Variants in JMJD1C observed in about 807,000 individuals in gnomAD.
JMJD1C encodes the protein jumonji domain-containing protein 1C.
Under a neutral mutation model 245.3 loss-of-function variants are expected in JMJD1C, and 31 were observed. The ratio of observed to expected loss-of-function variants is 0.13; its 90% CI spans 0.09 to 0.17. The LOEUF (loss-of-function observed/expected upper bound fraction) is 0.17. Among genes scored for constraint, JMJD1C ranks in the 10% least tolerant of loss-of-function variants. JMJD1C has a pLI of 1.00. For missense variants in JMJD1C, 2,691 were observed against 3,000.2 expected (o/e 0.90, Z 2.41); for synonymous variants, 1,057 against 1,017.4 (o/e 1.04, Z -0.74).
chr10:63,421,672 A>G (rs956501313), intron 1 of JMJD1C, among the ~76,000 whole-genome samples: 3 of 152,194 alleles, frequency 2.0e-5, no homozygotes, highest in African/African-American at 7.2e-5. Context: ...CTTTAAGGAG[A>G]TAATTAAGAA....
At chr10:63,394,886 A>T (rs1948364934) in intron 1 of JMJD1C, among the ~76,000 whole-genome samples, 1 of 152,082 alleles carries the variant, frequency 6.6e-6, no homozygotes, top group Admixed American at 6.5e-5. Context: ...CAAAATTGGA[A>T]ACGTTTTACT....
Position 63,209,197 on chromosome 10 carries a change from C to A in JMJD1C, c.2733G>T (p.Val911=). The part of the protein sequence containing the change: ...PSPWLHQPTP[V]TSADGIGLLS... The stretch of plus-strand genomic sequence containing the variant: ...GTAATCCAATACCATCTGCTGAGGT[C>A]ACAGGGGTGGGCTGATGTAGCCAAG... Residue 911 remains valine (V), a synonymous_variant, in exon 9 of 26, where the codon GTG becomes GTT. Transcript: ENST00000399262. 6.2e-7 allele frequency: 1 copy of A among 1,613,518 alleles called. No individual in the cohort carries two copies. The highest frequency in any genetic ancestry group is 1.1e-5 in the South Asian group (1 of 91,034).
At chr10:63,468,650 A>C (rs947644200), upstream of JMJD1C, among the ~76,000 whole-genome samples, 1 of 152,354 alleles carries the variant, frequency 6.6e-6, no homozygotes, top group South Asian at 2.1e-4. Context: ...AATTAGACAT[A>C]TAAATTAGAT....
In JMJD1C at chr10:63,501,243, T is replaced by G. The variant is rs188654246; in HGVS notation, n.113+20495A>C. Among the ~76,000 whole-genome samples, 16 of 152,354 alleles carry G rather than the reference T, an allele frequency of 1.1e-4. 1 individual carries two copies. The South Asian group carries it at 2.9e-3, about 28-fold the overall frequency. ...TAGAGTTTACAATACTTTAGTTATA[T>G]GAATTTTAAAGGCATGGAATTTCAC... On this transcript the variant is annotated intron_variant and non_coding_transcript_variant, in intron 1 of 3. Transcript: ENST00000633035.
At chr10:63,353,602 T>C (rs536037811) in intron 2 of JMJD1C, among the ~76,000 whole-genome samples, 1 of 150,884 alleles carries the variant, frequency 6.6e-6, no homozygotes, top group South Asian at 2.1e-4. Context: ...TGCAACCTCT[T>C]CCTCCCAAGT....
chr10:63,459,707 A>T (rs1448203644), intron 1 of JMJD1C, among the ~76,000 whole-genome samples: 1 of 152,250 alleles, frequency 6.6e-6, no homozygotes, highest in Non-Finnish European at 1.5e-5. Context: ...AAAAGTTTCA[A>T]GAAAATGCTG....
intron 1 of JMJD1C, among the ~76,000 whole-genome samples, chr10:63,514,284 C>T (rs1305421308): frequency 6.6e-6 from 1 of 152,132 alleles, no homozygotes; most frequent in Non-Finnish European, 1.5e-5. Context: ...ACCAGGTATA[C>T]AACCAAAAGA....
intron 2 of JMJD1C, among the ~76,000 whole-genome samples, chr10:63,338,268 G>C (rs1307803877): frequency 2.6e-5 from 4 of 152,078 alleles, no homozygotes; most frequent in African/African-American, 9.7e-5. Flanking sequence ...CCAAGTAGCT[G>C]GGACTACAAA....
At chr10:63,222,128 C>G (rs1203099616) in intron 3 of JMJD1C, 1 of 692,446 alleles carries the variant, frequency 1.4e-6, no homozygotes, top group African/African-American at 1.8e-5. Context: ...ATAGCACTTC[C>G]GCCAGGGAGG....
At chr10:63,400,349 AAAC>A (rs1168027529) in intron 1 of JMJD1C, among the ~76,000 whole-genome samples, 1 of 152,178 alleles carries the variant, frequency 6.6e-6, no homozygotes, top group African/African-American at 2.4e-5. Flanking sequence ...GCATTCCAAT[AAAC>A]AACATGTGAG....
intron 3 of JMJD1C, among the ~76,000 whole-genome samples, chr10:63,224,442 CATT>C (rs1437950302): frequency 6.6e-6 from 1 of 152,136 alleles, no homozygotes; most frequent in Non-Finnish European, 1.5e-5. Flanking sequence ...TTATGACAGG[CATT>C]GTTGTTGAAT....
intron 1 of JMJD1C, among the ~76,000 whole-genome samples, chr10:63,513,014 CTATTTTTTAT>C (rs1409799455): frequency 6.6e-6 from 1 of 152,144 alleles, no homozygotes; most frequent in Non-Finnish European, 1.5e-5. Flanking sequence ...ATATTTTTTA[CTATTTTTTAT>C]TCTTTCTTAA....
At chr10:63,468,308 A>T (rs1953381407), upstream of JMJD1C, among the ~76,000 whole-genome samples, 2 of 152,236 alleles carry the variant, frequency 1.3e-5, no homozygotes, top group South Asian at 2.1e-4. Flanking sequence ...GGAAAAATTT[A>T]AAAGTACATT....
At chr10:63,212,029 G>C (rs1847424531) in intron 8 of JMJD1C, among the ~76,000 whole-genome samples, 7 of 152,042 alleles carry the variant, frequency 4.6e-5, no homozygotes. Flanking sequence ...GTTGCAACAT[G>C]GATGAACCTC....
At chr10:63,176,622 C>T in intron 23 of JMJD1C, 149 bp from the exon 24 acceptor site, 1 of 631,114 alleles carries the variant, frequency 1.6e-6, no homozygotes, top group South Asian at 2.2e-5. Flanking sequence ...TAAAAAATAA[C>T]ATTCTGCAAT....
intron 1 of JMJD1C, among the ~76,000 whole-genome samples, chr10:63,479,693 T>G (rs1953770078): frequency 6.6e-6 from 1 of 152,202 alleles, no homozygotes; most frequent in Non-Finnish European, 1.5e-5. Context: ...GGTAGTAAGA[T>G]CTAGATCTAG....
chr10:63,191,527 T>C (rs1589105063), intron 16 of JMJD1C, among the ~76,000 whole-genome samples: 2 of 152,164 alleles, frequency 1.3e-5, no homozygotes, highest in Admixed American at 1.3e-4. Context: ...GAAGGAAGCA[T>C]TGTGATTTAT....
chr10:63,393,103 C>CA (rs1270839461), intron 1 of JMJD1C, among the ~76,000 whole-genome samples: 2 of 151,960 alleles, frequency 1.3e-5, no homozygotes, highest in Admixed American at 6.6e-5. Context: ...CCCGTCTCTA[C>CA]AAAAAATACA....
chr10:63,422,787 A>G (rs1402984944), intron 1 of JMJD1C, among the ~76,000 whole-genome samples: 1 of 152,216 alleles, frequency 6.6e-6, no homozygotes, highest in Admixed American at 6.5e-5. Flanking sequence ...AGCCTTTGCC[A>G]TTCCATACTA....
Sources: allele counts gnomAD v4.1 joint callset (sites outside exome capture counted in the v4.1 genomes callset), GRCh38; gene constraint gnomAD v4.1.1; transcripts MANE v1.5; gene names NCBI Gene and HGNC (gene_info 2026-07-23, HGNC 2026-07-21).